MMAB: variants seen among roughly 807,000 people sequenced by gnomAD.
MMAB encodes the protein corrinoid adenosyltransferase MMAB.
MMAB carries 17 observed loss-of-function variants against 30.6 expected under a neutral mutation model. The observed-to-expected ratio is 0.56, with a 90% confidence interval of 0.38 to 0.83. The LOEUF (loss-of-function observed/expected upper bound fraction) is 0.83. Ranked by LOEUF, MMAB falls within the 40% of genes least tolerant of loss-of-function variation. The probability of loss-of-function intolerance (pLI) is 0.00; values close to 1 mark genes in which losing one functional copy is unlikely to be tolerated. For missense variants in MMAB, 311 were observed against 331.6 expected, an observed-to-expected ratio of 0.94 and a Z score of 0.48; for synonymous variants, 134 against 138.6, an observed-to-expected ratio of 0.97 and a Z score of 0.23.
In MMAB at chr12:109,571,527, C is replaced by T. The variant is rs1405098042; in HGVS notation, c.196+122G>A. ...AGGGCCTCCCAAAGTGCCGGGATTA[C>T]AGGCATGAGCCACCGCGCCTGGTAT... On this transcript the variant is annotated intron_variant, in intron 2 of 8. Transcript: ENST00000545712. The T allele has an allele frequency of 1.0e-5, 9 of 885,426 alleles. No individual in the cohort carries two copies. The East Asian group carries it at 2.1e-4, about 20-fold the overall frequency. 54.8% of individuals were successfully genotyped at this position (885,426 alleles called of 1,614,324 possible).
At chr12:109,568,615 G>A (rs1178454940) in intron 3 of MMAB, 155 bp downstream of exon 3, 6 of 726,640 alleles carry the variant, frequency 8.3e-6, no homozygotes, top group Non-Finnish European at 1.5e-5. Context: ...ACAGCCTTGT[G>A]GAGCTGACCA....
intron 7 of MMAB, among the ~76,000 whole-genome samples, chr12:109,560,660 T>C (rs1884158188): frequency 6.6e-6 from 1 of 152,190 alleles, no homozygotes; most frequent in Non-Finnish European, 1.5e-5. Context: ...TCTACCCCTG[T>C]CCCCAAGATG....
rs774239021 is a variant in MMAB at position 109,556,188 on chromosome 12, G to T, written c.*840C>A. 6.6e-6 allele frequency: 3 copies of T among 454,088 alleles called. No individual in the cohort carries two copies. The highest frequency in any genetic ancestry group is 4.7e-5 in the South Asian group (3 of 64,472). The allele number at this position is 454,088 out of a possible 1,614,324, so 28.1% of individuals were successfully genotyped here. ...CGTGGCACCGATCTCAGAGGCATAA[G>T]CCAGCCAAGTGCAACATCGGAGAAA... On this transcript the variant is annotated 3_prime_UTR_variant, in exon 9 of 9. Transcript: ENST00000545712.
intron 3 of MMAB, chr12:109,566,998 C>T (rs1383899660): frequency 2.2e-6 from 1 of 456,010 alleles, no homozygotes; most frequent in Admixed American, 2.3e-5. Context: ...ATTATCTGTC[C>T]CGAAAATCTC....
At position 109,558,672 on chromosome 12, in the gene MMAB, T is replaced by C. The variant is rs914680381; in HGVS notation, c.644+424A>G. Among the ~76,000 whole-genome samples the C allele has an allele frequency of 1.3e-5, 2 of 151,718 alleles. No homozygotes were observed. The stretch of plus-strand genomic sequence containing the variant: ...CTGAGCGCAGCTTGGCCCGGCTCTC[T>C]TGTTGGTTCATGCTGCCGCAGGCCC... On this transcript the variant is annotated intron_variant, in intron 8 of 8. Transcript: ENST00000545712. The surrounding 1 kb of genome is among the most constrained non-coding windows in gnomAD (Gnocchi z 4.3).
rs938955185 is a variant in MMAB at position 109,565,188 on chromosome 12, A to T, written c.291-12T>A. Reference sequence around the variant, plus strand: ...ATTCCAGAGCAAACCTATGAAGAAAAAGGAAAAAGAATTTGCCTGTAATGT... The same window carrying T: ...ATTCCAGAGCAAACCTATGAAGAAATAGGAAAAAGAATTTGCCTGTAATGT... On this transcript the variant is annotated splice_polypyrimidine_tract_variant and intron_variant, in intron 3 of 8. Transcript: ENST00000545712. 1 of 1,611,800 alleles carries T rather than the reference A, an allele frequency of 6.2e-7. No individual in the cohort carries two copies. Among genetic ancestry groups the T allele is most frequent in the South Asian group, 1.1e-5 (1 of 91,040 alleles).
intron 4 of MMAB, among the ~76,000 whole-genome samples, chr12:109,562,067 T>C (rs779065228): frequency 1.3e-5 from 2 of 152,258 alleles, no homozygotes; most frequent in East Asian, 1.9e-4. Context: ...GATTGGATCA[T>C]TGGGGTAGTT....
At chr12:109,570,133 C>A in intron 2 of MMAB, 1 of 310,866 alleles carries the variant, frequency 3.2e-6, no homozygotes, top group Non-Finnish European at 6.5e-6. Context: ...CATGGTGATG[C>A]ATGCCTGTAG....
In MMAB at chr12:109,554,352, TG is replaced by T. The variant is rs751963881; in HGVS notation, c.*2675del. The stretch of plus-strand genomic sequence containing the variant: ...CAAGAGCCAACTGCCAGCTTGTCTC[TG>T]GAAATGACACTAAACACCCCATTCC... On this transcript the variant is annotated 3_prime_UTR_variant, in exon 9 of 9. Coordinates refer to ENST00000545712, the MANE Select transcript of MMAB (RefSeq NM_052845.4). 2.2e-6 allele frequency: 1 copy of T among 454,054 alleles called. No individual in the cohort carries two copies. Among genetic ancestry groups the T allele is most frequent in the South Asian group, 1.6e-5 (1 of 64,478 alleles). 28.1% of individuals were successfully genotyped at this position (454,054 alleles called of 1,614,324 possible). A position where few individuals can be genotyped will look rare whatever the true frequency, so the allele number is the denominator to read the frequency against.
chr12:109,565,290 G>T, intron 3 of MMAB, 114 bp from the exon 4 acceptor site: 1 of 807,992 alleles, frequency 1.2e-6, no homozygotes, highest in Non-Finnish European at 2.2e-6. Context: ...AGCTATAATA[G>T]CCATGTTATT....
rs1245662127 is a variant in MMAB, at chr12:109,569,529, T to A, written c.197-666A>T. On this transcript the variant is annotated intron_variant, in intron 2 of 8. Transcript: ENST00000545712. This position sits in a 1 kb window ranked among gnomAD's most constrained non-coding sequence, Gnocchi z 4.1. ...GAAATACAACACGTTCTATATTTTA[T>A]ATCATATATACATTACCATTATATT... 3.9e-5 allele frequency among the ~76,000 whole-genome samples: 6 copies of A among 152,238 alleles called. No individual in the cohort carries two copies. The highest frequency in any genetic ancestry group is 3.9e-4 in the Admixed American group (6 of 15,282).
rs1247649135 is a variant in MMAB, at chr12:109,554,619, A to G, written c.*2409T>C. On this transcript the variant is annotated 3_prime_UTR_variant, in exon 9 of 9. Coordinates refer to ENST00000545712, the MANE Select transcript of MMAB (RefSeq NM_052845.4). ...TTCTGAGAGTTGCCAGTGGTGTGCA[A>G]ACACTGGGGCAGCGGGGGCTTCGCA... The G allele has an allele frequency of 2.2e-6, 1 of 453,994 alleles. No individual in the cohort carries two copies. The highest frequency in any genetic ancestry group is 4.4e-6 in the Non-Finnish European group (1 of 226,798). 28.1% of individuals were successfully genotyped at this position (453,994 alleles called of 1,614,324 possible).
Position 109,554,256 on chromosome 12 carries a change from G to C in MMAB, c.*2772C>G. On this transcript the variant is annotated 3_prime_UTR_variant, in exon 9 of 9. Transcript: ENST00000545712. The stretch of plus-strand genomic sequence containing the variant: ...TAATGTCTGTGGAACACTTGGCTCA[G>C]GGCACTGCACATAGCAAGCCCTTCC... 2 of 454,060 alleles carry C rather than the reference G, an allele frequency of 4.4e-6. No homozygotes were observed. The highest frequency in any genetic ancestry group is 4.4e-6 in the Non-Finnish European group (1 of 226,778). 28.1% of individuals were successfully genotyped at this position (454,060 alleles called of 1,614,324 possible).
In MMAB at chr12:109,561,590, C is replaced by T. The variant is rs533012561; in HGVS notation, c.422-73G>A. The T allele has an allele frequency of 2.8e-5, 39 of 1,376,808 alleles. 1 individual carries two copies. In the South Asian group the frequency reaches 4.0e-4, roughly 14 times the overall value. The allele number at this position is 1,376,808 out of a possible 1,614,324, so 85.3% of individuals were successfully genotyped here. A position where few individuals can be genotyped will look rare whatever the true frequency, so the allele number is the denominator to read the frequency against. On this transcript the variant is annotated intron_variant, in intron 5 of 8. Transcript: ENST00000545712. The surrounding 1 kb of genome is among the most constrained non-coding windows in gnomAD (Gnocchi z 5.3). ...CAGACCATGGCGGGAACCACCCCCG[C>T]CGCCCTTCCACCTGGGTGTCCCGCA...
chr12:109,569,255 C>A lies in MMAB; in HGVS notation c.197-392G>T, dbSNP rs1884552533. Among the ~76,000 whole-genome samples the A allele has an allele frequency of 6.6e-6, 1 of 152,156 alleles. No homozygotes were observed. The highest frequency in any genetic ancestry group is 1.5e-5 in the Non-Finnish European group (1 of 68,030). ...AGCCACCGTACCACCCCTTAAAGAA[C>A]TTTCAACTTGAAATATAGCATATAC... On this transcript the variant is annotated intron_variant, in intron 2 of 8. Coordinates refer to ENST00000545712, the MANE Select transcript of MMAB (RefSeq NM_052845.4). This position sits in a 1 kb window ranked among gnomAD's most constrained non-coding sequence, Gnocchi z 4.1.
At chr12:109,567,079 A>T (rs1422514870) in intron 3 of MMAB, 1 of 455,598 alleles carries the variant, frequency 2.2e-6, no homozygotes, top group South Asian at 1.6e-5. Context: ...AATAATGAGG[A>T]GACTCGCTTG....
chr12:109,563,778 C>T (rs1341033003), intron 4 of MMAB, among the ~76,000 whole-genome samples: 1 of 152,240 alleles, frequency 6.6e-6, no homozygotes, highest in Non-Finnish European at 1.5e-5. Flanking sequence ...GGCAGCCCCA[C>T]CTACTACCCT....
chr12:109,560,392 T>G (rs145775212), intron 7 of MMAB, among the ~76,000 whole-genome samples: 2 of 152,362 alleles, frequency 1.3e-5, no homozygotes, highest in East Asian at 3.9e-4. Flanking sequence ...TAAATGAAAT[T>G]ATGAACATAA....
chr12:109,561,012 G>C lies in MMAB; in HGVS notation c.584+28C>G. On this transcript the variant is annotated intron_variant, in intron 7 of 8. Coordinates refer to ENST00000545712, the MANE Select transcript of MMAB (RefSeq NM_052845.4). The surrounding 1 kb of genome is among the most constrained non-coding windows in gnomAD (Gnocchi z 5.3). ...CCTTGTTCCTCTCCCTCTCCCTTGG[G>C]CCCTCTCCCTCTCTCCAGCCCTCTT... The C allele has an allele frequency of 7.5e-7, 1 of 1,328,106 alleles. No homozygotes were observed. The highest frequency in any genetic ancestry group is 1.1e-6 in the Non-Finnish European group (1 of 935,572). 82.3% of individuals were successfully genotyped at this position (1,328,106 alleles called of 1,614,324 possible).
Sources: allele counts gnomAD v4.1 joint callset (sites outside exome capture counted in the v4.1 genomes callset), GRCh38; gene constraint gnomAD v4.1.1; non-coding constraint Gnocchi (gnomAD v3.1); transcripts MANE v1.5; gene names NCBI Gene and HGNC (gene_info 2026-07-23, HGNC 2026-07-21).